The following PRKAR2B variants were observed in gnomAD, a reference collection of about 807,000 sequenced individuals.
PRKAR2B encodes protein kinase cAMP-dependent type II regulatory subunit beta, also known as cAMP-dependent protein kinase type II-beta regulatory subunit.
PRKAR2B carries 14 observed loss-of-function variants against 49.9 expected under a neutral mutation model. The observed-to-expected ratio is 0.28, with a 90% CI of 0.19 to 0.44. PRKAR2B has a LOEUF of 0.44. Ranked by LOEUF, PRKAR2B falls within the 20% of genes least tolerant of loss-of-function variation. The pLI, the probability that PRKAR2B is intolerant of heterozygous loss-of-function variation, is 1.00. For synonymous variants in PRKAR2B, 196 were observed against 197.7 expected, an observed-to-expected ratio of 0.99 and a Z score of 0.07; for missense variants, 393 against 537.9, an observed-to-expected ratio of 0.73 and a Z score of 2.67.
intron 2 of PRKAR2B, among the ~76,000 whole-genome samples, chr7:107,070,895 T>C (rs1794252388): frequency 6.6e-6 from 1 of 152,224 alleles, no homozygotes; most frequent in East Asian, 1.9e-4. Context: ...GGTTTAAATA[T>C]ACTACAGTAC....
At chr7:107,121,901 G>A (rs1488445818) in intron 2 of PRKAR2B, 51 bp from the exon 3 acceptor site, 2 of 1,191,160 alleles carry the variant, frequency 1.7e-6, no homozygotes, top group Non-Finnish European at 1.2e-6. Flanking sequence ...ACTCATTGTA[G>A]TATGGTTTTT....
intron 5 of PRKAR2B, among the ~76,000 whole-genome samples, chr7:107,144,454 C>T (rs1012137405): frequency 9.9e-5 from 15 of 151,678 alleles, no homozygotes; most frequent in African/African-American, 3.6e-4. Flanking sequence ...ATTAATAATC[C>T]TTTTCTTTCT....
At chr7:107,144,193 C>A (rs977872244) in intron 5 of PRKAR2B, among the ~76,000 whole-genome samples, 1 of 151,810 alleles carries the variant, frequency 6.6e-6, no homozygotes, top group Non-Finnish European at 1.5e-5. Context: ...TCAGGTGATT[C>A]TTCTTCCTCA....
intron 4 of PRKAR2B, among the ~76,000 whole-genome samples, chr7:107,135,026 A>C (rs1202942967): frequency 6.6e-6 from 1 of 152,182 alleles, no homozygotes; most frequent in Non-Finnish European, 1.5e-5. Flanking sequence ...ACATTATTTT[A>C]AAAAGTGAAG....
chr7:107,105,512 T>C (rs1247923420), intron 2 of PRKAR2B, among the ~76,000 whole-genome samples: 5 of 152,204 alleles, frequency 3.3e-5, no homozygotes. Context: ...AAAGACAGTA[T>C]CCCTGAGAAA....
chr7:107,089,610 G>A (rs1235441811), intron 2 of PRKAR2B, among the ~76,000 whole-genome samples: 1 of 152,162 alleles, frequency 6.6e-6, no homozygotes, highest in Non-Finnish European at 1.5e-5. Flanking sequence ...CAGGGTACAT[G>A]CATCATTTTT....
chr7:107,106,417 A>G (rs1312466969), intron 2 of PRKAR2B, among the ~76,000 whole-genome samples: 1 of 152,198 alleles, frequency 6.6e-6, no homozygotes, highest in African/African-American at 2.4e-5. Flanking sequence ...ACCATACATC[A>G]GATGGACAAT....
chr7:107,055,441 T>C (rs1346850840), intron 1 of PRKAR2B, among the ~76,000 whole-genome samples: 2 of 152,164 alleles, frequency 1.3e-5, no homozygotes, highest in Non-Finnish European at 2.9e-5. Context: ...AGTGTAAAAG[T>C]GTTCCTATTT....
In PRKAR2B at chr7:107,132,621, G is replaced by A. The variant is rs1795623265; in HGVS notation, c.480+4326G>A. 2.6e-5 allele frequency among the ~76,000 whole-genome samples: 4 copies of A among 152,126 alleles called. No homozygotes were observed. In the South Asian group the frequency reaches 8.3e-4, roughly 32 times the overall value. On this transcript the variant is annotated intron_variant, in intron 4 of 10. Transcript: ENST00000265717. ...TTGGTACTTGGTGATTGATTTAGTT[G>A]GGGACTGAAGGAAAGAATCTAGGAT...
At chr7:107,088,334 G>T (rs762308680) in intron 2 of PRKAR2B, among the ~76,000 whole-genome samples, 4 of 152,066 alleles carry the variant, frequency 2.6e-5, no homozygotes, top group Non-Finnish European at 1.5e-5. Flanking sequence ...CTATTTACAT[G>T]GTCAGAGAAT....
chr7:107,094,807 CAG>C (rs1162085100), intron 2 of PRKAR2B, among the ~76,000 whole-genome samples: 1 of 152,108 alleles, frequency 6.6e-6, no homozygotes, highest in East Asian at 1.9e-4. Flanking sequence ...TGTCAAAGAT[CAG>C]ATGGTTGTAG....
chr7:107,155,772 A>G (rs1584457585), intron 8 of PRKAR2B, among the ~76,000 whole-genome samples: 1 of 152,210 alleles, frequency 6.6e-6, no homozygotes, highest in Non-Finnish European at 1.5e-5. Context: ...ACCCAAAGGA[A>G]TATAAATCAT....
At chr7:107,106,126 C>T (rs747369776) in intron 2 of PRKAR2B, among the ~76,000 whole-genome samples, 4 of 152,300 alleles carry the variant, frequency 2.6e-5, no homozygotes, top group Non-Finnish European at 5.9e-5. Context: ...CTCAACCAAA[C>T]AGCCCTGGAA....
intron 2 of PRKAR2B, among the ~76,000 whole-genome samples, chr7:107,084,815 C>T (rs936008844): frequency 4.7e-4 from 71 of 151,570 alleles, no homozygotes; most frequent in African/African-American, 1.6e-3. Context: ...TTAGCAGAGA[C>T]GGGGTTTCAC....
At chr7:107,099,220 A>T (rs112171645) in intron 2 of PRKAR2B, among the ~76,000 whole-genome samples, 18,301 of 152,130 alleles carry the variant, frequency 0.12, 1,305 homozygotes, top group African/African-American at 0.19. Flanking sequence ...GTAATGGTGG[A>T]TGCCCCTTCC....
At chr7:107,125,291 C>T (rs1316109598) in intron 3 of PRKAR2B, among the ~76,000 whole-genome samples, 1 of 152,114 alleles carries the variant, frequency 6.6e-6, no homozygotes, top group African/African-American at 2.4e-5. Context: ...TTCCTTAACT[C>T]TAAATTTCTT....
rs1376603816 is a variant in PRKAR2B, at chr7:107,161,241, A to G, written c.*1659A>G. 1 of 152,248 alleles carries G rather than the reference A, an allele frequency of 6.6e-6. No homozygotes were observed. Among genetic ancestry groups the G allele is most frequent in the African/African-American group, 2.4e-5 (1 of 41,462 alleles). The allele number at this position is 152,248 out of a possible 1,614,324, so 9.4% of individuals were successfully genotyped here. On this transcript the variant is annotated 3_prime_UTR_variant, in exon 11 of 11. Coordinates refer to ENST00000265717, the MANE Select transcript of PRKAR2B (RefSeq NM_002736.3). ...ATGAAGATGACTTGTTTTATATTTC[A>G]GATTTTATTTTAAAAGCCATGTCTG...
chr7:107,132,486 A>T (rs1181963790), intron 4 of PRKAR2B, among the ~76,000 whole-genome samples: 2 of 152,210 alleles, frequency 1.3e-5, no homozygotes, highest in South Asian at 2.1e-4. Flanking sequence ...AGTGAAGCCC[A>T]GTAAGAAAAC....
At chr7:107,112,099 A>G (rs1795185709) in intron 2 of PRKAR2B, among the ~76,000 whole-genome samples, 1 of 141,384 alleles carries the variant, frequency 7.1e-6, no homozygotes, top group Non-Finnish European at 1.5e-5. Context: ...GCCTGAGCCC[A>G]GGAGTTTGAG....
Sources: gnomAD v4.1 joint callset for allele counts (sites outside exome capture counted in the v4.1 genomes callset) on GRCh38, gnomAD v4.1.1 for gene constraint, MANE v1.5 for transcripts, NCBI Gene and HGNC (gene_info 2026-07-23, HGNC 2026-07-21) for gene names.